The following ABHD12 variants were observed in gnomAD, a reference collection of about 807,000 sequenced individuals.
The protein encoded by ABHD12 is abhydrolase domain containing 12, lysophospholipase.
Under a neutral mutation model 58.3 loss-of-function variants are expected in ABHD12, and 43 were observed. The observed-to-expected ratio is 0.74, with a 90% confidence interval of 0.58 to 0.95. ABHD12 has a LOEUF of 0.95. Among genes scored for constraint, ABHD12 ranks in the 40% least tolerant of loss-of-function variants. The pLI is 0.00. For synonymous variants in ABHD12, 219 were observed against 211.2 expected (o/e 1.04, Z -0.32); for missense variants, 539 against 537.2 (o/e 1.00, Z -0.03).
chr20:25,314,409 G>A (rs1321870220), intron 6 of ABHD12, among the ~76,000 whole-genome samples: 2 of 152,100 alleles, frequency 1.3e-5, no homozygotes, highest in Non-Finnish European at 2.9e-5. Flanking sequence ...TGGGTGCAGT[G>A]ACTCCTGCCT....
chr20:25,390,462 C>G (rs1487630014), intron 1 of ABHD12, 51 bp downstream of exon 1: 1 of 1,335,314 alleles, frequency 7.5e-7, no homozygotes, highest in Admixed American at 3.4e-5. Context: ...CGCACCTGCG[C>G]AAAGTGAGGG....
intron 2 of ABHD12, among the ~76,000 whole-genome samples, chr20:25,331,464 G>C (rs1296153029): frequency 2.0e-5 from 3 of 152,098 alleles, no homozygotes; most frequent in Non-Finnish European, 4.4e-5. Flanking sequence ...ACGCCACAAA[G>C]ATACTCCTCG....
At chr20:25,321,036 T>C (rs1198795598) in intron 3 of ABHD12, among the ~76,000 whole-genome samples, 1 of 152,192 alleles carries the variant, frequency 6.6e-6, no homozygotes, top group Non-Finnish European at 1.5e-5. Flanking sequence ...TGGATACCAG[T>C]GACAAGAATC....
intron 2 of ABHD12, among the ~76,000 whole-genome samples, chr20:25,326,759 A>T (rs2089183536): frequency 7.1e-6 from 1 of 140,928 alleles, no homozygotes; most frequent in Non-Finnish European, 1.6e-5. Context: ...CAACAACAAC[A>T]ACTATGGTAT....
intron 8 of ABHD12, 80 bp downstream of exon 8, chr20:25,308,368 ATGAGGACGC>A: frequency 6.6e-7 from 1 of 1,506,414 alleles, no homozygotes; most frequent in South Asian, 1.2e-5. Context: ...ATGCTGCTCC[ATGAGGACGC>A]TGAGCACTTG....
At chr20:25,359,049 T>A (rs1348040319) in intron 1 of ABHD12, among the ~76,000 whole-genome samples, 1 of 149,998 alleles carries the variant, frequency 6.7e-6, no homozygotes, top group Non-Finnish European at 1.5e-5. Context: ...AACTATTTTC[T>A]CCCAAACAAG....
chr20:25,339,407 G>A (rs1048204037), intron 1 of ABHD12, 56 bp from the exon 2 acceptor site: 1 of 1,612,396 alleles, frequency 6.2e-7, no homozygotes, highest in Non-Finnish European at 8.5e-7. Flanking sequence ...TTTTGCTGTA[G>A]TTTGTTAATA....
chr20:25,295,483 C>T (rs2088526876), downstream of ABHD12: 2 of 1,164,802 alleles, frequency 1.7e-6, no homozygotes, highest in South Asian at 2.6e-5. Flanking sequence ...TGGGTGGGCC[C>T]CTTCGCTCCA....
intron 3 of ABHD12, among the ~76,000 whole-genome samples, chr20:25,322,605 G>T (rs1273892431): frequency 6.6e-6 from 1 of 150,866 alleles, no homozygotes; most frequent in African/African-American, 2.4e-5. Flanking sequence ...GGGTGGTCTC[G>T]AACTCCTGAT....
intron 1 of ABHD12, among the ~76,000 whole-genome samples, chr20:25,364,258 C>G (rs1215712913): frequency 6.6e-6 from 1 of 152,140 alleles, no homozygotes; most frequent in African/African-American, 2.4e-5. Flanking sequence ...GACAAAGGTG[C>G]CTTAGTCCAT....
chr20:25,302,409 C>T (rs1432821321), intron 11 of ABHD12, 63 bp from the exon 12 acceptor site: 1 of 1,604,800 alleles, frequency 6.2e-7, no homozygotes, highest in African/African-American at 1.3e-5. Flanking sequence ...GCCTGAGGAA[C>T]ACCAGCTTGG....
At chr20:25,308,698 G>A (rs1252584839) in intron 7 of ABHD12, among the ~76,000 whole-genome samples, 1 of 152,218 alleles carries the variant, frequency 6.6e-6, no homozygotes, top group Non-Finnish European at 1.5e-5. Context: ...AATGAGGGCT[G>A]TACCCACAGC....
rs1294410736 is a variant in ABHD12, at chr20:25,309,587, A to G, written c.620-12T>C. On this transcript the variant is annotated splice_polypyrimidine_tract_variant and intron_variant, in intron 6 of 12. Coordinates refer to ENST00000339157, the MANE Select transcript of ABHD12 (RefSeq NM_001042472.3). ...TGAGTCACCCCAACCTGGGAGGGAG[A>G]AACGGCAGGACGGGGAGGTCAAAGG... 4 of 1,613,942 alleles carry G rather than the reference A, an allele frequency of 2.5e-6. No homozygotes were observed. The Admixed American group carries it at 6.7e-5, about 27-fold the overall frequency.
intron 1 of ABHD12, among the ~76,000 whole-genome samples, chr20:25,355,002 T>G (rs1170466669): frequency 6.6e-6 from 1 of 152,190 alleles, no homozygotes; most frequent in Non-Finnish European, 1.5e-5. Flanking sequence ...AAGACATTAT[T>G]TCCTAAGAGG....
At chr20:25,373,857 C>A (rs906350021) in intron 1 of ABHD12, among the ~76,000 whole-genome samples, 8 of 152,120 alleles carry the variant, frequency 5.3e-5, no homozygotes, top group Non-Finnish European at 8.8e-5. Flanking sequence ...TCTCCTTTCT[C>A]CTCTTCTTTG....
intron 2 of ABHD12, among the ~76,000 whole-genome samples, chr20:25,330,889 C>T (rs1326102152): frequency 1.3e-5 from 2 of 152,210 alleles, no homozygotes; most frequent in African/African-American, 4.8e-5. Context: ...AAACTGGAAA[C>T]TCTATAAAGC....
intron 1 of ABHD12, among the ~76,000 whole-genome samples, chr20:25,366,729 T>A (rs1213664541): frequency 6.6e-6 from 1 of 152,218 alleles, no homozygotes; most frequent in Non-Finnish European, 1.5e-5. Context: ...TTCAAATGGC[T>A]ACCCAATTGT....
chr20:25,368,849 A>G (rs1400654565), intron 1 of ABHD12: 3 of 480,922 alleles, frequency 6.2e-6, no homozygotes, highest in Admixed American at 6.0e-5. Context: ...ATCCTCAGAC[A>G]GGCGCAGTGG....
intron 1 of ABHD12, among the ~76,000 whole-genome samples, chr20:25,349,386 G>A (rs778466933): frequency 2.6e-5 from 4 of 152,060 alleles, no homozygotes; most frequent in Admixed American, 6.6e-5. Context: ...TCCACTCCTC[G>A]ATATATACTC....
Sources: allele counts gnomAD v4.1 joint callset (sites outside exome capture counted in the v4.1 genomes callset), GRCh38; gene constraint gnomAD v4.1.1; transcripts MANE v1.5; gene names NCBI Gene and HGNC (gene_info 2026-07-23, HGNC 2026-07-21).